Variants in RUNX1 observed in about 807,000 individuals in gnomAD.
The protein encoded by RUNX1 is runt-related transcription factor 1.
RUNX1 carries 19 observed loss-of-function variants against 42.8 expected under a neutral mutation model. The observed-to-expected ratio is 0.44, with a 90% confidence interval of 0.31 to 0.65. The LOEUF is 0.65. Ranked by LOEUF, RUNX1 falls within the 30% of genes least tolerant of loss-of-function variation. The pLI, the probability that RUNX1 is intolerant of heterozygous loss-of-function variation, is 0.07. For synonymous variants in RUNX1, 271 were observed against 289.4 expected (o/e 0.94, Z 0.64); for missense variants, 528 against 672.0 (o/e 0.79, Z 2.37).
rs1391047725 is a variant in RUNX1 at position 34,849,366 on chromosome 21, ATATATAC to A, written c.613+10101_613+10107del. 5.2e-3 allele frequency among the ~76,000 whole-genome samples: 282 copies of A among 54,526 alleles called. 17 individuals carry two copies. The highest frequency in any genetic ancestry group is 0.02 in the African/African-American group (278 of 13,954). 35.8% of individuals were successfully genotyped at this position (54,526 alleles called of 152,430 possible). On this transcript the variant is annotated intron_variant, in intron 6 of 8. Transcript: ENST00000675419. ...TTATATATAGTATATATAATATATTATATATACTATATACATAGTATATATAATATAT... is the reference window on the plus strand; with the variant it reads ...TTATATATAGTATATATAATATATTATATATACATAGTATATATAATATAT...
chr21:34,918,582 T>C (rs2058329934), intron 2 of RUNX1, among the ~76,000 whole-genome samples: 1 of 152,228 alleles, frequency 6.6e-6, no homozygotes. Context: ...GCCTATACTG[T>C]AAATCTTTCA....
At chr21:34,813,942 C>T (rs1035429505) in intron 7 of RUNX1, among the ~76,000 whole-genome samples, 3 of 152,090 alleles carry the variant, frequency 2.0e-5, no homozygotes, top group African/African-American at 7.2e-5. Flanking sequence ...GACCTTCTGG[C>T]TCTTTGTAGA....
intron 2 of RUNX1, among the ~76,000 whole-genome samples, chr21:34,958,504 C>T (rs1324720518): frequency 6.6e-6 from 1 of 152,136 alleles, no homozygotes; most frequent in Non-Finnish European, 1.5e-5. Flanking sequence ...AGTGAGATAC[C>T]ATCTCACACC....
At chr21:34,938,324 A>G (rs1292736784) in intron 2 of RUNX1, among the ~76,000 whole-genome samples, 2 of 152,186 alleles carry the variant, frequency 1.3e-5, no homozygotes, top group Non-Finnish European at 2.9e-5. Context: ...ATATTTAACT[A>G]AACTCTTTCA....
intron 6 of RUNX1, among the ~76,000 whole-genome samples, chr21:34,839,038 C>T (rs1293056773): frequency 6.6e-6 from 1 of 152,016 alleles, no homozygotes; most frequent in Non-Finnish European, 1.5e-5. Context: ...TTTCCCCCAC[C>T]CCAATTTCTT....
chr21:34,925,468 A>G (rs979499718), intron 2 of RUNX1, among the ~76,000 whole-genome samples: 1 of 152,230 alleles, frequency 6.6e-6, no homozygotes, highest in African/African-American at 2.4e-5. Flanking sequence ...GGGAAGACAC[A>G]GACACAATGG....
At chr21:34,986,845 T>C (rs1278458115) in intron 2 of RUNX1, among the ~76,000 whole-genome samples, 2 of 152,142 alleles carry the variant, frequency 1.3e-5, no homozygotes, top group East Asian at 1.9e-4. Flanking sequence ...TCTGTTGTTT[T>C]AAACCACACA....
At chr21:35,018,304 G>A (rs1461481399) in intron 2 of RUNX1, among the ~76,000 whole-genome samples, 1 of 152,136 alleles carries the variant, frequency 6.6e-6, no homozygotes, top group East Asian at 1.9e-4. Flanking sequence ...GGGATTATAG[G>A]CATAAGTCAC....
chr21:34,850,704 G>C (rs1248302244), intron 6 of RUNX1, among the ~76,000 whole-genome samples: 1 of 151,914 alleles, frequency 6.6e-6, no homozygotes, highest in Non-Finnish European at 1.5e-5. Flanking sequence ...GTGTTTCCAG[G>C]GCCCATGCTA....
intron 7 of RUNX1, among the ~76,000 whole-genome samples, chr21:34,818,881 C>G (rs139868863): frequency 6.6e-6 from 1 of 152,216 alleles, no homozygotes; most frequent in African/African-American, 2.4e-5. Context: ...CTTGTTCCAA[C>G]AGCCCCTCTT....
intron 3 of RUNX1, among the ~76,000 whole-genome samples, chr21:34,890,391 C>T (rs968183872): frequency 2.0e-5 from 3 of 152,222 alleles, no homozygotes; most frequent in Non-Finnish European, 2.9e-5. Flanking sequence ...GGCCAAGGCG[C>T]GTTTCCGAGG....
chr21:34,836,526 C>T (rs2057148502), intron 6 of RUNX1, among the ~76,000 whole-genome samples: 2 of 152,162 alleles, frequency 1.3e-5, no homozygotes, highest in South Asian at 4.1e-4. Context: ...TGCAGAAAAA[C>T]AAACAATTCC....
intron 2 of RUNX1, among the ~76,000 whole-genome samples, chr21:34,893,355 T>C (rs930573339): frequency 2.6e-5 from 4 of 152,186 alleles, no homozygotes; most frequent in Admixed American, 2.6e-4. Flanking sequence ...ACATTTATGA[T>C]CATTTACTTC....
intron 8 of RUNX1, among the ~76,000 whole-genome samples, chr21:34,793,260 A>G (rs549177433): frequency 6.6e-6 from 1 of 152,294 alleles, no homozygotes; most frequent in African/African-American, 2.4e-5. Context: ...GGAGGATGGT[A>G]TAATATACAG....
intron 5 of RUNX1, among the ~76,000 whole-genome samples, chr21:34,864,852 T>C (rs1444218039): frequency 2.0e-5 from 3 of 152,126 alleles, no homozygotes; most frequent in Admixed American, 1.3e-4. Context: ...ATGAGGTTTG[T>C]CTTGATGTAG....
intron 2 of RUNX1, 119 bp downstream of exon 2, chr21:35,048,723 A>G (rs1437697399): frequency 2.4e-6 from 2 of 845,646 alleles, no homozygotes; most frequent in Middle Eastern, 2.2e-4. Flanking sequence ...TTCCTCTCAC[A>G]AACAAGACAG....
At chr21:34,983,691 A>G (rs992563567) in intron 2 of RUNX1, among the ~76,000 whole-genome samples, 1 of 152,218 alleles carries the variant, frequency 6.6e-6, no homozygotes, top group Admixed American at 6.5e-5. Flanking sequence ...GGAGGAGACC[A>G]TTGCAATAGC....
Position 34,976,534 on chromosome 21 carries a change from A to G in RUNX1, c.58+72308T>C, listed in dbSNP as rs2058803388. Among the ~76,000 whole-genome samples the G allele has an allele frequency of 1.3e-5, 2 of 152,184 alleles. 1 individual carries two copies. The highest frequency in any genetic ancestry group is 4.1e-4 in the South Asian group (2 of 4,832). ...GCAATATTGCTCCCATTGGGACTGC[A>G]TGGTGTAGGCCCAAGCTTGCTTTGC... On this transcript the variant is annotated intron_variant, in intron 2 of 8. Coordinates refer to ENST00000675419, the MANE Select transcript of RUNX1 (RefSeq NM_001754.5).
intron 2 of RUNX1, among the ~76,000 whole-genome samples, chr21:34,903,196 AATTT>A (rs2058190976): frequency 6.6e-6 from 1 of 152,182 alleles, no homozygotes. Context: ...TATCCAAAAT[AATTT>A]ATTATTATAA....
Sources: gnomAD v4.1 joint callset for allele counts (sites outside exome capture counted in the v4.1 genomes callset) on GRCh38, gnomAD v4.1.1 for gene constraint, MANE v1.5 for transcripts, NCBI Gene and HGNC (gene_info 2026-07-23, HGNC 2026-07-21) for gene names.